Variants in KLK11 observed in about 807,000 individuals in gnomAD.
KLK11 encodes the protein kallikrein-11.
Under a neutral mutation model 23.4 loss-of-function variants are expected in KLK11, and 10 were observed. The ratio of observed to expected loss-of-function variants is 0.43; its 90% confidence interval spans 0.26 to 0.73. KLK11 has a LOEUF of 0.73. KLK11 is among the 30% of genes least tolerant of loss of function. The pLI is 0.22. For missense variants in KLK11, 285 were observed against 327.8 expected (o/e 0.87, Z 1.01); for synonymous variants, 131 against 131.7 (o/e 0.99, Z 0.03).
intron 1 of KLK11, among the ~76,000 whole-genome samples, chr19:51,026,195 C>A (rs563359037): frequency 6.6e-6 from 1 of 152,036 alleles, no homozygotes; most frequent in South Asian, 2.1e-4. Context: ...CCCCCATCAC[C>A]CGGCTTGCTG....
rs759672523 is a variant in KLK11 at position 51,024,648 on chromosome 19, A to G, written c.187T>C (p.Cys63Arg). 2 of 1,505,300 alleles carry G rather than the reference A, an allele frequency of 1.3e-6. No homozygotes were observed. The highest frequency in any genetic ancestry group is 1.8e-6 in the Non-Finnish European group (2 of 1,121,174). The allele number at this position is 1,505,300 out of a possible 1,614,324, so 93.2% of individuals were successfully genotyped here. ...APRWLLTAAH[C>R]LKPRYIVHLG... Reference sequence around the variant, plus strand: ...AGCCCCCGCACCCACGGCTTGAGGCAGTGGGCTGCTGTCAGGAGCCATCTG... The same window carrying G: ...AGCCCCCGCACCCACGGCTTGAGGCGGTGGGCTGCTGTCAGGAGCCATCTG... Residue 63 changes from cysteine (C) to arginine (R), a missense_variant, in exon 3 of 6, where the codon TGC (cysteine) becomes CGC (arginine). Physicochemically the swap from Cys to Arg is radical, Grantham distance 180 (BLOSUM62 -3). Coordinates refer to ENST00000453757, the MANE Select transcript of KLK11 (RefSeq NM_001136032.3). The surrounding 1 kb of genome is among the most constrained non-coding windows in gnomAD (Gnocchi z 6.2).
chr19:51,027,663 G>A, upstream of KLK11: 1 of 852,064 alleles, frequency 1.2e-6, no homozygotes, highest in Non-Finnish European at 1.9e-6. Flanking sequence ...AGCCAGCCCT[G>A]GCCTCAAACC....
At position 51,025,503 on chromosome 19, in the gene KLK11, T is replaced by G; in HGVS notation, c.40+89A>C. The G allele has an allele frequency of 2.4e-6, 2 of 844,366 alleles. No individual in the cohort carries two copies. The highest frequency in any genetic ancestry group is 1.8e-5 in the African/African-American group (1 of 56,708). The allele number at this position is 844,366 out of a possible 1,614,324, so 52.3% of individuals were successfully genotyped here. A position where few individuals can be genotyped will look rare whatever the true frequency, so the allele number is the denominator to read the frequency against. ...TTATGGGTTGTTCTGTAATTTGGAA[T>G]CAGCCCTGTCACTGTCCAGACACAG... On this transcript the variant is annotated intron_variant, in intron 2 of 5. Coordinates refer to ENST00000453757, the MANE Select transcript of KLK11 (RefSeq NM_001136032.3). This position sits in a 1 kb window ranked among gnomAD's most constrained non-coding sequence, Gnocchi z 6.2.
At chr19:51,023,344 C>A in intron 4 of KLK11, 116 bp from the exon 5 acceptor site, 1 of 1,265,130 alleles carries the variant, frequency 7.9e-7, no homozygotes, top group South Asian at 1.4e-5. Context: ...AGCCAACTCA[C>A]CTCTCTTCTT....
At position 51,024,340 on chromosome 19, in the gene KLK11, G is replaced by T; in HGVS notation, c.198-30C>A. 6.2e-7 allele frequency: 1 copy of T among 1,606,444 alleles called. No homozygotes were observed. ...GGTGGGAGAGACAGTAGTTGGAGGA[G>T]GAAAGGTCGGGGGAGACATGGGTGG... is the stretch of plus-strand genomic sequence containing the variant. On this transcript the variant is annotated intron_variant, in intron 3 of 5. Transcript: ENST00000453757. The surrounding 1 kb of genome is among the most constrained non-coding windows in gnomAD (Gnocchi z 6.2).
chr19:51,022,721 C>T lies in KLK11; in HGVS notation c.601-24G>A, dbSNP rs139119722. 28 of 1,612,108 alleles carry T rather than the reference C, an allele frequency of 1.7e-5. No individual in the cohort carries two copies. The South Asian group carries it at 2.6e-4, about 15-fold the overall frequency. On this transcript the variant is annotated intron_variant, in intron 5 of 5. Coordinates refer to ENST00000453757, the MANE Select transcript of KLK11 (RefSeq NM_001136032.3). ...CCCTGGGCACGGGGAGAGAGAATGT[C>T]GGTCAGAGAAAGCGTTGAGCATGGT...
upstream of KLK11, chr19:51,027,528 C>T (rs180786698): frequency 1.3e-4 from 212 of 1,613,960 alleles, no homozygotes; most frequent in African/African-American, 2.0e-3. Context: ...CTGCGGAACC[C>T]GAGCGCAGAT....
In KLK11 at chr19:51,024,799, A is replaced by AG. The variant is rs2091458400; in HGVS notation, c.41-6dup. Reference sequence around the variant, plus strand: ...TGGTCTCTCCCCCTACAAGCCCTGGAGGGGGTGAGAGCAAAAGAAGGGGCT... The same window carrying AG: ...TGGTCTCTCCCCCTACAAGCCCTGGAGGGGGGTGAGAGCAAAAGAAGGGGCT... On this transcript the variant is annotated splice_region_variant and splice_polypyrimidine_tract_variant and intron_variant, in intron 2 of 5. Transcript: ENST00000453757. This position sits in a 1 kb window ranked among gnomAD's most constrained non-coding sequence, Gnocchi z 6.2. 1.3e-6 allele frequency: 2 copies of AG among 1,560,338 alleles called. No homozygotes were observed. Among genetic ancestry groups the AG allele is most frequent in the Admixed American group, 2.2e-5 (1 of 46,214 alleles).
upstream of KLK11, chr19:51,027,259 C>T (rs1052321522): frequency 1.9e-5 from 11 of 593,432 alleles, no homozygotes; most frequent in Admixed American, 3.3e-4. Context: ...ACAGGTGGGG[C>T]TGCTGCCAGG....
Position 51,025,007 on chromosome 19 carries a change from C to A in KLK11, c.41-213G>T, listed in dbSNP as rs1351657002. ...ATGCAGTGGCTCATGCCTGTAATCC[C>A]AGCACTTTGAGAGGCTAAGGTGGGA... On this transcript the variant is annotated intron_variant, in intron 2 of 5. Transcript: ENST00000453757. The surrounding 1 kb of genome is among the most constrained non-coding windows in gnomAD (Gnocchi z 6.2). Among the ~76,000 whole-genome samples, 1 of 152,108 alleles carries A rather than the reference C, an allele frequency of 6.6e-6. No homozygotes were observed. The highest frequency in any genetic ancestry group is 2.4e-5 in the African/African-American group (1 of 41,408).
At position 51,025,988 on chromosome 19, in the gene KLK11, C is replaced by T. The variant is rs2091480888; in HGVS notation, c.-35-322G>A. On this transcript the variant is annotated intron_variant, in intron 1 of 5. Coordinates refer to ENST00000453757, the MANE Select transcript of KLK11 (RefSeq NM_001136032.3). The surrounding 1 kb of genome is among the most constrained non-coding windows in gnomAD (Gnocchi z 6.2). ...TGTTCAAGTCAGCCATGGGACCTCCCCGGCACATGTCAGAGGATGTTTTCC... is the reference window on the plus strand; with the variant it reads ...TGTTCAAGTCAGCCATGGGACCTCCTCGGCACATGTCAGAGGATGTTTTCC... Among the ~76,000 whole-genome samples, 1 of 152,180 alleles carries T rather than the reference C, an allele frequency of 6.6e-6. No individual in the cohort carries two copies. Among genetic ancestry groups the T allele is most frequent in the South Asian group, 2.1e-4 (1 of 4,832 alleles).
At position 51,022,677 on chromosome 19, in the gene KLK11, C is replaced by A. The variant is rs1210662220; in HGVS notation, c.621G>T (p.Leu207=). 6.2e-7 allele frequency: 1 copy of A among 1,612,970 alleles called. No homozygotes were observed. The highest frequency in any genetic ancestry group is 8.5e-7 in the Non-Finnish European group (1 of 1,180,040). Residue 207 remains leucine (L), a synonymous_variant, in exon 6 of 6, where the codon CTG becomes CTT. Transcript: ENST00000453757. The stretch of plus-strand genomic sequence containing the variant: ...TGCCTTGAAGAGACTGGTTACAGAC[C>A]AGAGGGCCCCCGGAGTCACCCTGGG... ...DSCQGDSGGP[L]VCNQSLQGII...
upstream of KLK11, chr19:51,027,534 C>A (rs776696889): frequency 1.9e-6 from 3 of 1,613,786 alleles, no homozygotes; most frequent in Non-Finnish European, 2.5e-6. Context: ...AACCCGAGCG[C>A]AGATTCCTGC....
Position 51,024,308 on chromosome 19 carries a change from C to G in KLK11, c.200G>C (p.Arg67Pro). ...LLTAAHCLKP[R>P]YIVHLGQHNL... Reference sequence around the variant, plus strand: ...GTGCTGCCCCAGGTGAACTATGTAGCGGCTGAGGTGGGAGAGACAGTAGTT... The same window carrying G: ...GTGCTGCCCCAGGTGAACTATGTAGGGGCTGAGGTGGGAGAGACAGTAGTT... Residue 67 changes from arginine to proline, a missense_variant and splice_region_variant, in exon 4 of 6, where the codon CGC (arginine) becomes CCC (proline). Transcript: ENST00000453757. The surrounding 1 kb of genome is among the most constrained non-coding windows in gnomAD (Gnocchi z 6.2). 1 of 1,613,226 alleles carries G rather than the reference C, an allele frequency of 6.2e-7. No homozygotes were observed. The highest frequency in any genetic ancestry group is 8.5e-7 in the Non-Finnish European group (1 of 1,179,728).
upstream of KLK11, chr19:51,027,769 G>C: frequency 6.4e-6 from 3 of 466,542 alleles, no homozygotes; most frequent in Non-Finnish European, 1.2e-5. Context: ...CTGAGAGATG[G>C]GGGTGACAGA....
rs1194646489 is a variant in KLK11, at chr19:51,024,764, TTGA to T, written c.68_70del (p.Ile23del). On this transcript the variant is annotated inframe_deletion, in exon 3 of 6. Coordinates refer to ENST00000453757, the MANE Select transcript of KLK11 (RefSeq NM_001136032.3). The surrounding 1 kb of genome is among the most constrained non-coding windows in gnomAD (Gnocchi z 6.2). ...GGAGTGAGGCTTGCACTCGAACCCCTTGATGATCCTGGTCTCTCCCCCTACAAG... is the reference window on the plus strand; with the variant it reads ...GGAGTGAGGCTTGCACTCGAACCCCTTGATCCTGGTCTCTCCCCCTACAAG... 2.5e-6 allele frequency: 4 copies of T among 1,599,670 alleles called. No individual in the cohort carries two copies. Among genetic ancestry groups the T allele is most frequent in the Non-Finnish European group, 1.7e-6 (2 of 1,175,356 alleles).
Position 51,024,826 on chromosome 19 carries a change from A to G in KLK11, c.41-32T>C. 6.6e-7 allele frequency: 1 copy of G among 1,523,946 alleles called. No homozygotes were observed. Among genetic ancestry groups the G allele is most frequent in the South Asian group, 1.3e-5 (1 of 77,406 alleles). 94.4% of individuals were successfully genotyped at this position (1,523,946 alleles called of 1,614,324 possible). On this transcript the variant is annotated intron_variant, in intron 2 of 5. Transcript: ENST00000453757. The surrounding 1 kb of genome is among the most constrained non-coding windows in gnomAD (Gnocchi z 6.2). ...GGGGTGAGAGCAAAAGAAGGGGCTC[A>G]GGAAGGAGAGGTGGTAGACCAGGAG...
upstream of KLK11, chr19:51,026,719 CGG>C: frequency 1.8e-6 from 1 of 554,200 alleles, no homozygotes; most frequent in Non-Finnish European, 2.3e-6. Flanking sequence ...TGCCCCGGGG[CGG>C]GGTGTGTGTG....
upstream of KLK11, chr19:51,027,698 A>C: frequency 1.7e-6 from 1 of 605,874 alleles, no homozygotes; most frequent in East Asian, 2.9e-5. Context: ...TCCTACTACT[A>C]TGACTACCCT....
Sources: allele counts gnomAD v4.1 joint callset (sites outside exome capture counted in the v4.1 genomes callset), GRCh38; gene constraint gnomAD v4.1.1; non-coding constraint Gnocchi (gnomAD v3.1); transcripts MANE v1.5; gene names NCBI Gene and HGNC (gene_info 2026-07-23, HGNC 2026-07-21).